The following CHRM3 variants were observed in gnomAD, a reference collection of about 807,000 sequenced individuals.
The protein encoded by CHRM3 is muscarinic acetylcholine receptor M3.
A neutral mutation model predicts 41.8 loss-of-function variants in CHRM3; 11 were observed. The observed-to-expected ratio is 0.26, with a 90% CI of 0.17 to 0.44. The LOEUF is 0.44. CHRM3 is among the 20% of genes least tolerant of loss of function. The pLI, the probability that CHRM3 is intolerant of heterozygous loss-of-function variation, is 1.00. For synonymous variants in CHRM3, 297 were observed against 301.4 expected, an observed-to-expected ratio of 0.99 and a Z score of 0.15; for missense variants, 571 against 745.4, an observed-to-expected ratio of 0.77 and a Z score of 2.72.
intron 5 of CHRM3, among the ~76,000 whole-genome samples, chr1:239,725,196 A>T (rs1339874859): frequency 2.0e-5 from 3 of 151,914 alleles, no homozygotes; most frequent in Non-Finnish European, 4.4e-5. Context: ...TTGTTTTGGT[A>T]GTATAACGCT....
chr1:239,522,423 A>G (rs12139491), intron 2 of CHRM3, among the ~76,000 whole-genome samples: 10,891 of 152,310 alleles, frequency 0.072, 578 homozygotes, highest in Non-Finnish European at 0.11. Flanking sequence ...TCTAGCCAAC[A>G]TGTGACTACA....
At chr1:239,549,249 T>C (rs1572678284) in intron 3 of CHRM3, among the ~76,000 whole-genome samples, 3 of 152,284 alleles carry the variant, frequency 2.0e-5, no homozygotes, top group Admixed American at 2.0e-4. Flanking sequence ...CCATATCACC[T>C]ACTAAACAGA....
intron 3 of CHRM3, among the ~76,000 whole-genome samples, chr1:239,611,709 G>C (rs370254757): frequency 2.6e-5 from 4 of 152,008 alleles, no homozygotes; most frequent in Admixed American, 6.6e-5. Flanking sequence ...ATGAGCCACC[G>C]CACCCAGCCG....
chr1:239,845,355 G>T (rs750810048), intron 6 of CHRM3, among the ~76,000 whole-genome samples: 6 of 152,040 alleles, frequency 3.9e-5, no homozygotes, highest in East Asian at 1.9e-4. Context: ...GTTTTGGTTT[G>T]GGTTTGGGTT....
At chr1:239,623,619 G>A (rs1314567804) in intron 3 of CHRM3, among the ~76,000 whole-genome samples, 1 of 78,576 alleles carries the variant, frequency 1.3e-5, no homozygotes, top group African/African-American at 5.2e-5. Flanking sequence ...TCTAGCATTA[G>A]GTATATCTCC....
At chr1:239,479,674 G>A (rs1467930126) in intron 1 of CHRM3, among the ~76,000 whole-genome samples, 1 of 152,174 alleles carries the variant, frequency 6.6e-6, no homozygotes, top group Non-Finnish European at 1.5e-5. Context: ...TGTGCAGCAT[G>A]TTACTGTGCT....
chr1:239,586,654 A>C (rs1663434065), intron 3 of CHRM3, among the ~76,000 whole-genome samples: 1 of 152,144 alleles, frequency 6.6e-6, no homozygotes, highest in South Asian at 2.1e-4. Context: ...GATGTTATAA[A>C]GCAGATATGT....
intron 1 of CHRM3, among the ~76,000 whole-genome samples, chr1:239,456,323 C>T (rs562645430): frequency 5.9e-5 from 9 of 152,098 alleles, no homozygotes; most frequent in Non-Finnish European, 1.2e-4. Context: ...GCAGGTAAAC[C>T]GTTTTTTATC....
rs185868080 is a variant in CHRM3 at position 239,486,509 on chromosome 1, G to A, written c.-520-6200G>A. On this transcript the variant is annotated intron_variant, in intron 1 of 6. Coordinates refer to ENST00000676153, the MANE Select transcript of CHRM3 (RefSeq NM_001375978.1). ...GGGAACTTGATCATGACACAATTTAGAACCAGAATTGGCAAACTTTATTTG... is the reference window on the plus strand; with the variant it reads ...GGGAACTTGATCATGACACAATTTAAAACCAGAATTGGCAAACTTTATTTG... Among the ~76,000 whole-genome samples, 260 of 152,276 alleles carry A rather than the reference G, an allele frequency of 1.7e-3. 1 individual carries two copies. Among genetic ancestry groups the A allele is most frequent in the Non-Finnish European group, 2.9e-3 (194 of 68,024 alleles).
intron 6 of CHRM3, among the ~76,000 whole-genome samples, chr1:239,849,642 A>G (rs1292759144): frequency 1.3e-5 from 2 of 152,196 alleles, no homozygotes; most frequent in Non-Finnish European, 2.9e-5. Context: ...AAAAGGTACA[A>G]GTTTTTGAAG....
At chr1:239,768,028 G>T (rs940955026) in intron 5 of CHRM3, among the ~76,000 whole-genome samples, 13 of 152,100 alleles carry the variant, frequency 8.5e-5, no homozygotes, top group Non-Finnish European at 1.8e-4. Flanking sequence ...TAATTCCAGA[G>T]TATGTCAATA....
chr1:239,565,557 T>TAGCA (rs1382542983), intron 3 of CHRM3, among the ~76,000 whole-genome samples: 4 of 152,154 alleles, frequency 2.6e-5, no homozygotes. Flanking sequence ...TTTAAATGTT[T>TAGCA]CGGCAAAAAT....
intron 2 of CHRM3, among the ~76,000 whole-genome samples, chr1:239,496,031 A>C (rs145276120): frequency 6.6e-6 from 1 of 152,240 alleles, no homozygotes; most frequent in African/African-American, 2.4e-5. Flanking sequence ...CTAAAGCTTA[A>C]GTCTGTGCTA....
chr1:239,645,686 T>C (rs1286286359), intron 4 of CHRM3, among the ~76,000 whole-genome samples: 1 of 151,960 alleles, frequency 6.6e-6, no homozygotes, highest in Non-Finnish European at 1.5e-5. Context: ...AGTGTTTATA[T>C]CAAAAACAAA....
intron 5 of CHRM3, among the ~76,000 whole-genome samples, chr1:239,817,589 G>T (rs976961836): frequency 6.6e-6 from 1 of 151,726 alleles, no homozygotes; most frequent in African/African-American, 2.4e-5. Context: ...TCTGCCTTTA[G>T]CCTCCACCCC....
intron 5 of CHRM3, among the ~76,000 whole-genome samples, chr1:239,713,356 A>G (rs984254084): frequency 7.2e-5 from 11 of 152,196 alleles, no homozygotes; most frequent in South Asian, 2.1e-4. Context: ...TTCTCTAGGG[A>G]TGGTTGATAT....
At chr1:239,415,337 G>C (rs1177626813) in intron 1 of CHRM3, among the ~76,000 whole-genome samples, 1 of 152,148 alleles carries the variant, frequency 6.6e-6, no homozygotes, top group East Asian at 1.9e-4. Flanking sequence ...CTACTCGGGA[G>C]GCTGAGGCAG....
chr1:239,733,589 T>C (rs1361521298), intron 5 of CHRM3, among the ~76,000 whole-genome samples: 1 of 152,050 alleles, frequency 6.6e-6, no homozygotes, highest in Non-Finnish European at 1.5e-5. Flanking sequence ...TGGAGATGCA[T>C]ATAGAGGTAT....
intron 5 of CHRM3, among the ~76,000 whole-genome samples, chr1:239,770,672 G>A (rs1176653829): frequency 6.6e-6 from 1 of 152,162 alleles, no homozygotes. Context: ...GGACCTGAGT[G>A]ATGACAGCTG....
Sources: gnomAD v4.1 joint callset for allele counts (sites outside exome capture counted in the v4.1 genomes callset) on GRCh38, gnomAD v4.1.1 for gene constraint, MANE v1.5 for transcripts, NCBI Gene and HGNC (gene_info 2026-07-23, HGNC 2026-07-21) for gene names.